PACRG: variants seen among roughly 807,000 people sequenced by gnomAD.
PACRG encodes parkin coregulated.
Under a neutral mutation model 29.7 loss-of-function variants are expected in PACRG, and 29 were observed. That is an observed-to-expected ratio of 0.98 (90% CI 0.73 to 1.33). PACRG has a LOEUF of 1.33. PACRG is among the 40% of genes most tolerant of loss of function. The pLI is 0.00. For missense variants in PACRG, 279 were observed against 316.2 expected (o/e 0.88, Z 0.89); for synonymous variants, 116 against 118.7 (o/e 0.98, Z 0.15).
intron 1 of PACRG, among the ~76,000 whole-genome samples, chr6:162,781,138 C>T (rs1562590344): frequency 6.6e-6 from 1 of 151,822 alleles, no homozygotes. Context: ...TCTTAACAGA[C>T]ATAGAAAAAA....
chr6:163,217,191 C>T (rs1279583218), intron 4 of PACRG, among the ~76,000 whole-genome samples: 1 of 152,226 alleles, frequency 6.6e-6, no homozygotes, highest in Non-Finnish European at 1.5e-5. Context: ...GTACCGCTCC[C>T]TGCAGAAGCT....
At chr6:162,828,724 G>A (rs1186866639) in intron 2 of PACRG, among the ~76,000 whole-genome samples, 1 of 152,064 alleles carries the variant, frequency 6.6e-6, no homozygotes, top group African/African-American at 2.4e-5. Flanking sequence ...TAGGCTATTT[G>A]GTAATATTGT....
intron 4 of PACRG, among the ~76,000 whole-genome samples, chr6:163,262,364 G>C (rs562769570): frequency 1.3e-5 from 2 of 152,182 alleles, no homozygotes; most frequent in Non-Finnish European, 2.9e-5. Context: ...TACCTCATCG[G>C]GTCACTGGGA....
intron 4 of PACRG, among the ~76,000 whole-genome samples, chr6:163,098,331 C>T (rs1198060896): frequency 6.6e-6 from 1 of 152,194 alleles, no homozygotes; most frequent in Non-Finnish European, 1.5e-5. Context: ...ACCCTACTGC[C>T]ATTCCAGGGA....
At chr6:163,116,458 G>C (rs1053618716) in intron 4 of PACRG, among the ~76,000 whole-genome samples, 2 of 152,084 alleles carry the variant, frequency 1.3e-5, no homozygotes, top group African/African-American at 2.4e-5. Context: ...TGTATCAAAT[G>C]GGGGGGATGT....
intron 1 of PACRG, among the ~76,000 whole-genome samples, chr6:162,782,732 C>T (rs189461104): frequency 2.5e-4 from 38 of 151,758 alleles, no homozygotes; most frequent in Admixed American, 1.6e-3. Context: ...GAAAAATGGA[C>T]CATATTAACT....
At chr6:163,089,560 C>A in intron 4 of PACRG, 152 bp downstream of exon 4, 2 of 903,204 alleles carry the variant, frequency 2.2e-6, no homozygotes, top group Non-Finnish European at 3.3e-6. Flanking sequence ...ACGCCTTCTC[C>A]AGCTACTCCC....
At chr6:162,865,745 C>G (rs959580948) in intron 2 of PACRG, among the ~76,000 whole-genome samples, 1 of 152,002 alleles carries the variant, frequency 6.6e-6, no homozygotes, top group Admixed American at 6.6e-5. Context: ...CAGAAAGGCT[C>G]GAATTAACTG....
chr6:162,963,864 A>C (rs1800827691), intron 2 of PACRG, among the ~76,000 whole-genome samples: 1 of 152,044 alleles, frequency 6.6e-6, no homozygotes, highest in Non-Finnish European at 1.5e-5. Flanking sequence ...GCAATATATC[A>C]GTTAGATCAT....
intron 2 of PACRG, among the ~76,000 whole-genome samples, chr6:163,039,746 C>T (rs897862788): frequency 3.9e-5 from 6 of 152,140 alleles, no homozygotes; most frequent in African/African-American, 1.4e-4. Flanking sequence ...AATTTCTAAG[C>T]AGCAAAGCAT....
At chr6:163,202,438 C>A (rs1401551169) in intron 4 of PACRG, among the ~76,000 whole-genome samples, 1 of 151,932 alleles carries the variant, frequency 6.6e-6, no homozygotes, top group Non-Finnish European at 1.5e-5. Flanking sequence ...TGTATGTGAG[C>A]ATGTATGAGC....
At chr6:162,905,660 A>G (rs9295206) in intron 2 of PACRG, among the ~76,000 whole-genome samples, 77,093 of 152,004 alleles carry the variant, frequency 0.51, 23,241 homozygotes, top group African/African-American at 0.85. Flanking sequence ...TGTAATAAAC[A>G]TTTCCATCTT....
At position 162,947,359 on chromosome 6, in the gene PACRG, A is replaced by T. The variant is rs1182442710; in HGVS notation, c.292-114791A>T. 1.0e-3 allele frequency among the ~76,000 whole-genome samples: 37 copies of T among 36,694 alleles called. 7 individuals carry two copies. Among genetic ancestry groups the T allele is most frequent in the African/African-American group, 3.0e-3 (29 of 9,756 alleles). The allele number at this position is 36,694 out of a possible 152,430, so 24.1% of individuals were successfully genotyped here. On this transcript the variant is annotated intron_variant, in intron 2 of 4. Transcript: ENST00000366888. ...ATATATATAATGATTACATATATAT[A>T]ATGTAATCATATATAATCATATATA... is the stretch of plus-strand genomic sequence containing the variant.
At chr6:163,232,156 T>A (rs766912187) in intron 4 of PACRG, among the ~76,000 whole-genome samples, 1 of 151,996 alleles carries the variant, frequency 6.6e-6, no homozygotes, top group African/African-American at 2.4e-5. Flanking sequence ...CTGAGGTGAG[T>A]GCCTCAGGAC....
chr6:163,245,016 A>G (rs1369509354), intron 4 of PACRG: 2 of 455,458 alleles, frequency 4.4e-6, no homozygotes, highest in Non-Finnish European at 8.8e-6. Flanking sequence ...TTGTCTTTCT[A>G]CCATTTTCTA....
intron 2 of PACRG, among the ~76,000 whole-genome samples, chr6:162,998,869 G>A (rs953050553): frequency 6.6e-6 from 1 of 152,100 alleles, no homozygotes; most frequent in Non-Finnish European, 1.5e-5. Flanking sequence ...CTTCAAAAAT[G>A]TTTAGCCAGT....
chr6:162,814,895 G>A (rs1015257338), intron 2 of PACRG, among the ~76,000 whole-genome samples: 1 of 152,162 alleles, frequency 6.6e-6, no homozygotes, highest in South Asian at 2.1e-4. Flanking sequence ...CAAAATAAAT[G>A]TATTGCCTAA....
intron 2 of PACRG, among the ~76,000 whole-genome samples, chr6:163,001,110 G>A (rs550905392): frequency 3.5e-4 from 53 of 152,346 alleles, no homozygotes; most frequent in African/African-American, 1.3e-3. Context: ...AAGGACCTTG[G>A]CACAACCACA....
chr6:163,197,441 T>C (rs796344247), intron 4 of PACRG, among the ~76,000 whole-genome samples: 1,585 of 133,120 alleles, frequency 0.012, 18 homozygotes, highest in African/African-American at 0.047. Flanking sequence ...TTTCTTTTTT[T>C]TTTTTTTTTT....
Sources: gnomAD v4.1 joint callset for allele counts (sites outside exome capture counted in the v4.1 genomes callset) on GRCh38, gnomAD v4.1.1 for gene constraint, MANE v1.5 for transcripts, NCBI Gene and HGNC (gene_info 2026-07-23, HGNC 2026-07-21) for gene names.